Variants in SPAG16 observed in about 807,000 individuals in gnomAD.
The protein encoded by SPAG16 is sperm associated antigen 16.
SPAG16 carries 86 observed loss-of-function variants against 80.4 expected under a neutral mutation model. That is an observed-to-expected ratio of 1.07 (90% confidence interval 0.90 to 1.28). SPAG16 has a LOEUF of 1.28. Ranked by LOEUF, SPAG16 falls within the 50% of genes most tolerant of loss-of-function variation. The pLI is 0.00. For synonymous variants in SPAG16, 294 were observed against 265.9 expected (o/e 1.11, Z -1.03); for missense variants, 870 against 765.3 (o/e 1.14, Z -1.61).
chr2:213,873,992 A>G (rs2076048199), intron 11 of SPAG16, among the ~76,000 whole-genome samples: 1 of 152,188 alleles, frequency 6.6e-6, no homozygotes. Flanking sequence ...TACTGTACTG[A>G]ATACCATATA....
At chr2:213,284,906 T>C (rs1199204178) in intron 1 of SPAG16, among the ~76,000 whole-genome samples, 4 of 152,224 alleles carry the variant, frequency 2.6e-5, no homozygotes, top group Non-Finnish European at 4.4e-5. Context: ...GGAGGGTTGC[T>C]TTTTATGTTA....
chr2:214,188,784 C>T (rs2057561212), intron 15 of SPAG16, among the ~76,000 whole-genome samples: 1 of 152,250 alleles, frequency 6.6e-6, no homozygotes, highest in Non-Finnish European at 1.5e-5. Flanking sequence ...ACTGCAATTA[C>T]TTCCACACTT....
intron 10 of SPAG16, among the ~76,000 whole-genome samples, chr2:213,542,380 T>C (rs2076476813): frequency 6.6e-6 from 1 of 152,120 alleles, no homozygotes; most frequent in Non-Finnish European, 1.5e-5. Flanking sequence ...TTACAATTTA[T>C]TTTTGGGATA....
intron 10 of SPAG16, among the ~76,000 whole-genome samples, chr2:213,849,254 AAT>A (rs760107579): frequency 1.5e-4 from 23 of 152,142 alleles, no homozygotes; most frequent in Non-Finnish European, 3.1e-4. Context: ...TGCAGGAACT[AAT>A]AGAGTTAGAA....
chr2:214,344,129 G>A (rs1341942962), intron 15 of SPAG16, among the ~76,000 whole-genome samples: 1 of 152,094 alleles, frequency 6.6e-6, no homozygotes, highest in Admixed American at 6.5e-5. Context: ...TCAAGAGAGA[G>A]TATCAGTATG....
intron 12 of SPAG16, among the ~76,000 whole-genome samples, chr2:213,955,025 A>G (rs2044046885): frequency 1.3e-5 from 2 of 152,056 alleles, no homozygotes; most frequent in Non-Finnish European, 2.9e-5. Flanking sequence ...ATTCAGTTGT[A>G]AGATTTCTTT....
chr2:213,392,443 G>A (rs2067802633), intron 9 of SPAG16, among the ~76,000 whole-genome samples: 1 of 152,060 alleles, frequency 6.6e-6, no homozygotes, highest in South Asian at 2.1e-4. Context: ...TATCACACAT[G>A]GAGTTTCTAA....
At chr2:214,097,970 G>C (rs1397946890) in intron 13 of SPAG16, among the ~76,000 whole-genome samples, 1 of 152,020 alleles carries the variant, frequency 6.6e-6, no homozygotes, top group African/African-American at 2.4e-5. Flanking sequence ...CTGAGGCTTA[G>C]AGTGTTCCAA....
intron 10 of SPAG16, among the ~76,000 whole-genome samples, chr2:213,622,980 C>G (rs112546908): frequency 1.3e-5 from 2 of 152,092 alleles, no homozygotes; most frequent in South Asian, 2.1e-4. Flanking sequence ...AGTAACGAAG[C>G]CTTCCATTTG....
chr2:213,714,641 T>G (rs1213942071), intron 10 of SPAG16, among the ~76,000 whole-genome samples: 1 of 152,142 alleles, frequency 6.6e-6, no homozygotes. Flanking sequence ...GCATGGCCCC[T>G]ACTATGTGCC....
At chr2:214,144,488 A>T (rs765119211) in intron 14 of SPAG16, among the ~76,000 whole-genome samples, 26 of 152,142 alleles carry the variant, frequency 1.7e-4, no homozygotes, top group Non-Finnish European at 2.9e-4. Context: ...TCATTCTACA[A>T]TTATCTATTG....
intron 10 of SPAG16, among the ~76,000 whole-genome samples, chr2:213,831,413 GT>G (rs34179061): frequency 0.37 from 55,386 of 147,882 alleles, 10,426 homozygotes; most frequent in East Asian, 0.52. Context: ...TAATTCAGGT[GT>G]TTTTTTTTTT....
At chr2:214,182,754 C>T (rs1331497201) in intron 15 of SPAG16, among the ~76,000 whole-genome samples, 2 of 151,776 alleles carry the variant, frequency 1.3e-5, no homozygotes, top group Admixed American at 1.3e-4. Context: ...TGTATTTTAG[C>T]AATTGTAAGA....
chr2:213,993,308 TC>T (rs2046368898), intron 12 of SPAG16, among the ~76,000 whole-genome samples: 1 of 152,222 alleles, frequency 6.6e-6, no homozygotes, highest in Non-Finnish European at 1.5e-5. Flanking sequence ...AAGGTCAATA[TC>T]CCAGTCACAC....
At chr2:213,874,036 A>G (rs2076050020) in intron 11 of SPAG16, among the ~76,000 whole-genome samples, 1 of 152,178 alleles carries the variant, frequency 6.6e-6, no homozygotes, top group African/African-American at 2.4e-5. Flanking sequence ...ATATAGAAAC[A>G]CAGAAAGATA....
At chr2:214,324,940 G>A (rs1403740630) in intron 15 of SPAG16, among the ~76,000 whole-genome samples, 4 of 152,164 alleles carry the variant, frequency 2.6e-5, no homozygotes, top group African/African-American at 7.2e-5. Flanking sequence ...AATGTCAAAT[G>A]CATGTCATAA....
intron 15 of SPAG16, among the ~76,000 whole-genome samples, chr2:214,209,300 G>A (rs375003518): frequency 3.8e-4 from 58 of 152,198 alleles, no homozygotes; most frequent in African/African-American, 1.3e-3. Flanking sequence ...CCTAATTGTA[G>A]AGAAACCCAT....
intron 10 of SPAG16, among the ~76,000 whole-genome samples, chr2:213,625,246 G>T (rs943815745): frequency 1.2e-4 from 18 of 152,060 alleles, no homozygotes; most frequent in African/African-American, 3.9e-4. Context: ...AGCTATACAG[G>T]CTTCTGCTTC....
chr2:213,795,149 G>T (rs2070946700), intron 10 of SPAG16, among the ~76,000 whole-genome samples: 1 of 152,102 alleles, frequency 6.6e-6, no homozygotes, highest in African/African-American at 2.4e-5. Context: ...GTGTAAGAAA[G>T]TTCTGTTCAA....
Sources: allele counts gnomAD v4.1 joint callset (sites outside exome capture counted in the v4.1 genomes callset), GRCh38; gene constraint gnomAD v4.1.1; transcripts MANE v1.5; gene names NCBI Gene and HGNC (gene_info 2026-07-23, HGNC 2026-07-21).